LYPD6B: variants seen among roughly 807,000 people sequenced by gnomAD.
LYPD6B encodes the protein LY6/PLAUR domain containing 6B.
In LYPD6B, 17 loss-of-function variants were observed where a neutral mutation model predicts 22.8. That is an observed-to-expected ratio of 0.75 (90% CI 0.51 to 1.12). The LOEUF (loss-of-function observed/expected upper bound fraction) is 1.12. Ranked by LOEUF, LYPD6B falls within the 50% of genes most tolerant of loss-of-function variation. The pLI, the probability that LYPD6B is intolerant of heterozygous loss-of-function variation, is 0.00. For synonymous variants in LYPD6B, 106 were observed against 91.6 expected (o/e 1.16, Z -0.90); for missense variants, 221 against 258.3 (o/e 0.86, Z 0.99).
intron 1 of LYPD6B, among the ~76,000 whole-genome samples, chr2:149,099,173 C>T (rs865775253): frequency 1.1e-4 from 17 of 152,118 alleles, no homozygotes; most frequent in African/African-American, 3.6e-4. Flanking sequence ...CTTCACAGAC[C>T]AGAGTAGGTC....
At chr2:149,094,164 G>A (rs1290955949) in intron 1 of LYPD6B, among the ~76,000 whole-genome samples, 1 of 152,186 alleles carries the variant, frequency 6.6e-6, no homozygotes, top group African/African-American at 2.4e-5. Context: ...TGGTCCCTAT[G>A]TATGAATGAA....
Position 149,131,023 on chromosome 2 carries a change from G to A in LYPD6B, c.5+70G>A, listed in dbSNP as rs538273325. On this transcript the variant is annotated intron_variant, in intron 2 of 6. Transcript: ENST00000409642. ...TTAACTATAAATGCTTACCACATGA[G>A]CTACTCATGCTTCGCAAAAATATAT... The A allele has an allele frequency of 2.1e-5, 23 of 1,075,198 alleles. No homozygotes were observed. The African/African-American group carries it at 3.0e-4, about 14-fold the overall frequency. The allele number at this position is 1,075,198 out of a possible 1,614,324, so 66.6% of individuals were successfully genotyped here. A position where few individuals can be genotyped will look rare whatever the true frequency, so the allele number is the denominator to read the frequency against.
chr2:149,165,568 A>G (rs1690366042), intron 3 of LYPD6B, among the ~76,000 whole-genome samples: 1 of 152,226 alleles, frequency 6.6e-6, no homozygotes, highest in Admixed American at 6.5e-5. Context: ...TTTTTACTAT[A>G]TGCCCAGCAC....
chr2:149,208,451 T>G, intron 5 of LYPD6B, 39 bp downstream of exon 5: 1 of 1,437,732 alleles, frequency 7.0e-7, no homozygotes. Flanking sequence ...GTGATCTCAT[T>G]TCATTTGAAT....
chr2:149,093,715 C>A (rs1685774870), intron 1 of LYPD6B, among the ~76,000 whole-genome samples: 1 of 152,084 alleles, frequency 6.6e-6, no homozygotes, highest in Non-Finnish European at 1.5e-5. Context: ...TTTCTGTTCC[C>A]CCTAGAATTT....
intron 3 of LYPD6B, among the ~76,000 whole-genome samples, chr2:149,166,820 C>T (rs1263891871): frequency 6.6e-6 from 1 of 152,080 alleles, no homozygotes; most frequent in Non-Finnish European, 1.5e-5. Context: ...TGCATGGTCC[C>T]ACCAGAGAGG....
At chr2:149,187,468 A>G (rs1212725521) in intron 3 of LYPD6B, 1 of 1,524,278 alleles carries the variant, frequency 6.6e-7, no homozygotes, top group Non-Finnish European at 8.8e-7. Flanking sequence ...ATCACAGTAA[A>G]CCAAACAAAG....
intron 2 of LYPD6B, among the ~76,000 whole-genome samples, chr2:149,151,107 C>A (rs148321739): frequency 6.6e-6 from 1 of 152,068 alleles, no homozygotes; most frequent in Non-Finnish European, 1.5e-5. Flanking sequence ...CACTTTTTCA[C>A]GTGGGAGGTT....
chr2:149,191,722 AT>A (rs1017617270), intron 3 of LYPD6B, among the ~76,000 whole-genome samples: 9 of 152,234 alleles, frequency 5.9e-5, no homozygotes, highest in Non-Finnish European at 8.8e-5. Flanking sequence ...AGGCCTGGTG[AT>A]TTAGAAACTG....
chr2:149,149,825 G>C (rs1689256741), intron 2 of LYPD6B, among the ~76,000 whole-genome samples: 1 of 152,096 alleles, frequency 6.6e-6, no homozygotes, highest in South Asian at 2.1e-4. Context: ...AACCTCTAAA[G>C]GGCATATAAT....
intron 5 of LYPD6B, among the ~76,000 whole-genome samples, chr2:149,211,574 T>C (rs900273898): frequency 2.0e-5 from 3 of 152,024 alleles, no homozygotes; most frequent in African/African-American, 4.8e-5. Flanking sequence ...GTTTGTATTA[T>C]GTAAAGCTTA....
At chr2:149,046,616 A>AT (rs1227900414) in intron 1 of LYPD6B, among the ~76,000 whole-genome samples, 3 of 151,734 alleles carry the variant, frequency 2.0e-5, no homozygotes, top group Non-Finnish European at 4.4e-5. Context: ...GGTCTTGAGC[A>AT]TTTTTTTATA....
chr2:149,095,866 G>A (rs186139170), intron 1 of LYPD6B, among the ~76,000 whole-genome samples: 40 of 151,808 alleles, frequency 2.6e-4, no homozygotes, highest in African/African-American at 8.9e-4. Context: ...AGAGACCATA[G>A]GCAGACAGAC....
intron 3 of LYPD6B, among the ~76,000 whole-genome samples, chr2:149,180,352 T>C (rs1211940747): frequency 1.3e-5 from 2 of 152,210 alleles, no homozygotes; most frequent in African/African-American, 4.8e-5. Flanking sequence ...GATTCCCTGC[T>C]TCTGGGTCAT....
intron 1 of LYPD6B, among the ~76,000 whole-genome samples, chr2:149,099,818 A>G (rs1255117591): frequency 2.0e-5 from 3 of 152,180 alleles, no homozygotes; most frequent in African/African-American, 7.2e-5. Context: ...TGTCTATGAT[A>G]TTGACTATGA....
chr2:149,099,142 G>A (rs1005126051), intron 1 of LYPD6B, among the ~76,000 whole-genome samples: 1 of 152,146 alleles, frequency 6.6e-6, no homozygotes, highest in East Asian at 1.9e-4. Flanking sequence ...AGGGACACAG[G>A]CACTTGTCTT....
intron 3 of LYPD6B, among the ~76,000 whole-genome samples, chr2:149,189,358 A>ACACATATGTATATATG (rs146093677): frequency 2.4e-5 from 2 of 84,640 alleles, no homozygotes; most frequent in Non-Finnish European, 5.4e-5. Flanking sequence ...ATATATATAT[A>ACACATATGTATATATG]TATATATATA....
chr2:149,077,131 G>C (rs1003342513), intron 1 of LYPD6B, among the ~76,000 whole-genome samples: 12 of 152,236 alleles, frequency 7.9e-5, no homozygotes, highest in Non-Finnish European at 1.5e-5. Flanking sequence ...ACGACTTGGT[G>C]ACCAGTGGCC....
chr2:149,130,547 C>T (rs1189116355), intron 1 of LYPD6B, among the ~76,000 whole-genome samples: 2 of 152,144 alleles, frequency 1.3e-5, no homozygotes, highest in Non-Finnish European at 2.9e-5. Flanking sequence ...GGTATTAGGC[C>T]TTGTCCCACT....
Sources: allele counts gnomAD v4.1 joint callset (sites outside exome capture counted in the v4.1 genomes callset), GRCh38; gene constraint gnomAD v4.1.1; transcripts MANE v1.5; gene names NCBI Gene and HGNC (gene_info 2026-07-23, HGNC 2026-07-21).